DAB1: variants seen among roughly 807,000 people sequenced by gnomAD.
DAB1 encodes the protein DAB adaptor protein 1.
Under a neutral mutation model 64.6 loss-of-function variants are expected in DAB1, and 15 were observed. That is an observed-to-expected ratio of 0.23 (90% CI 0.16 to 0.36). The LOEUF (loss-of-function observed/expected upper bound fraction) is 0.36, where lower values mean the gene tolerates loss of function less well. Ranked by LOEUF, DAB1 falls within the 10% of genes least tolerant of loss-of-function variation. The pLI, the probability that DAB1 is intolerant of heterozygous loss-of-function variation, is 1.00. For synonymous variants in DAB1, 235 were observed against 251.9 expected, an observed-to-expected ratio of 0.93 and a Z score of 0.64; for missense variants, 596 against 706.7, an observed-to-expected ratio of 0.84 and a Z score of 1.78.
intron 3 of DAB1, among the ~76,000 whole-genome samples, chr1:58,391,944 T>A (rs1381087934): frequency 2.6e-5 from 4 of 152,248 alleles, no homozygotes; most frequent in South Asian, 4.1e-4. Flanking sequence ...AGATGGGAAA[T>A]CAAATAAGTC....
intron 5 of DAB1, among the ~76,000 whole-genome samples, chr1:58,088,053 T>G (rs1319317168): frequency 1.3e-5 from 2 of 152,220 alleles, no homozygotes; most frequent in East Asian, 3.8e-4. Flanking sequence ...TGTAGTAAAG[T>G]TCTTTCCATA....
chr1:57,701,884 T>C (rs1049739120), intron 6 of DAB1, among the ~76,000 whole-genome samples: 6 of 152,144 alleles, frequency 3.9e-5, no homozygotes, highest in African/African-American at 1.4e-4. Flanking sequence ...TAAATTTCTC[T>C]GATAAATTTC....
intron 2 of DAB1, among the ~76,000 whole-genome samples, chr1:57,229,410 G>C (rs558740819): frequency 5.9e-4 from 90 of 151,812 alleles, no homozygotes; most frequent in African/African-American, 2.0e-3. Flanking sequence ...GCTCAGGCTG[G>C]TCTCAAACTC....
intron 3 of DAB1, among the ~76,000 whole-genome samples, chr1:58,503,576 T>C (rs1193150227): frequency 6.6e-6 from 1 of 152,094 alleles, no homozygotes; most frequent in African/African-American, 2.4e-5. Flanking sequence ...TAAGCGCCTT[T>C]GGGAGGCGAT....
chr1:57,215,546 C>T (rs78765161), intron 2 of DAB1, among the ~76,000 whole-genome samples: 1,602 of 152,262 alleles, frequency 0.011, 17 homozygotes, highest in African/African-American at 0.037. Flanking sequence ...TGTGTTGGAC[C>T]GTGAATTTTG....
At chr1:58,285,091 G>A (rs1183187877) in intron 4 of DAB1, among the ~76,000 whole-genome samples, 2 of 152,260 alleles carry the variant, frequency 1.3e-5, no homozygotes, top group East Asian at 1.9e-4. Context: ...AAAAGCCTTC[G>A]ATAAAATTCA....
chr1:57,896,773 TTAA>T (rs1309589683), intron 5 of DAB1, among the ~76,000 whole-genome samples: 8 of 152,318 alleles, frequency 5.3e-5, no homozygotes, highest in African/African-American at 1.9e-4. Flanking sequence ...CCCTGAGCAC[TTAA>T]TGAGTGTCAG....
Position 58,409,538 on chromosome 1 carries a change from A to T in DAB1, n.258-66135T>A, listed in dbSNP as rs72914370. The stretch of plus-strand genomic sequence containing the variant: ...TCTCTGTTGTTATATGCATCCAAAC[A>T]GAGGCCGGAAAATCATTTGTCTGAG... On this transcript the variant is annotated intron_variant and non_coding_transcript_variant, in intron 3 of 20. Transcript: ENST00000485760. Among the ~76,000 whole-genome samples the T allele has an allele frequency of 5.5e-3, 839 of 152,302 alleles. 7 individuals are homozygous for T. The highest frequency in any genetic ancestry group is 0.02 in the African/African-American group (814 of 41,554).
intron 7 of DAB1, among the ~76,000 whole-genome samples, chr1:57,595,227 AAAATTTTTTTTAGATTCT>A (rs1482642075): frequency 9.2e-5 from 14 of 152,004 alleles, no homozygotes; most frequent in Admixed American, 5.9e-4. Flanking sequence ...TTTAGATTCT[AAAATTTTTTTTAGATTCT>A]AAATTTTTTT....
At chr1:57,632,999 A>G (rs1646008627) in intron 7 of DAB1, among the ~76,000 whole-genome samples, 1 of 152,190 alleles carries the variant, frequency 6.6e-6, no homozygotes, top group Non-Finnish European at 1.5e-5. Flanking sequence ...TAGTAATATG[A>G]TTTTTCTAAA....
At chr1:57,445,970 T>C (rs957529914) in intron 7 of DAB1, among the ~76,000 whole-genome samples, 1 of 152,080 alleles carries the variant, frequency 6.6e-6, no homozygotes, top group Non-Finnish European at 1.5e-5. Flanking sequence ...CAGTCTTTCC[T>C]TCTTCTTTCT....
In DAB1 at chr1:57,569,632, G is replaced by C. The variant is rs531279807; in HGVS notation, n.625+79960C>G. ...GTAGGGGGGAGGGATAGCATTAGGA[G>C]ATAAACCTAATGTAAATGACAAGTT... On this transcript the variant is annotated intron_variant and non_coding_transcript_variant, in intron 7 of 20. Transcript: ENST00000485760. Among the ~76,000 whole-genome samples, 12 of 151,970 alleles carry C rather than the reference G, an allele frequency of 7.9e-5. No homozygotes were observed. The South Asian group carries it at 2.5e-3, about 32-fold the overall frequency.
intron 5 of DAB1, among the ~76,000 whole-genome samples, chr1:58,111,730 C>T (rs1570365386): frequency 6.6e-6 from 1 of 152,098 alleles, no homozygotes; most frequent in East Asian, 1.9e-4. Context: ...ATCCACTTGT[C>T]TCCACTTCCT....
intron 1 of DAB1, among the ~76,000 whole-genome samples, chr1:57,843,260 AC>A (rs1231559214): frequency 6.6e-6 from 1 of 152,204 alleles, no homozygotes; most frequent in East Asian, 1.9e-4. Flanking sequence ...TCTTTTGTCT[AC>A]CCTTGACTGT....
At chr1:57,055,887 T>C (rs985611606) in intron 9 of DAB1, among the ~76,000 whole-genome samples, 1 of 152,186 alleles carries the variant, frequency 6.6e-6, no homozygotes, top group South Asian at 2.1e-4. Flanking sequence ...AATCCTGCCC[T>C]CTAGGATCTT....
intron 3 of DAB1, among the ~76,000 whole-genome samples, chr1:58,357,470 T>C (rs952941920): frequency 6.6e-6 from 1 of 152,208 alleles, no homozygotes; most frequent in Admixed American, 6.5e-5. Flanking sequence ...TAAGATTTGA[T>C]ATGACCTGTT....
chr1:57,855,441 T>C (rs1259598110), intron 1 of DAB1, among the ~76,000 whole-genome samples: 1 of 152,050 alleles, frequency 6.6e-6, no homozygotes, highest in East Asian at 1.9e-4. Flanking sequence ...ACAACTCTAA[T>C]AATGGATGGT....
intron 4 of DAB1, among the ~76,000 whole-genome samples, chr1:58,304,794 A>T (rs948868674): frequency 3.9e-5 from 6 of 152,046 alleles, no homozygotes; most frequent in Admixed American, 3.3e-4. Flanking sequence ...TCCCTGGGGG[A>T]TTCTGACGCA....
chr1:58,196,425 A>C (rs2100247846), intron 4 of DAB1, among the ~76,000 whole-genome samples: 1 of 152,328 alleles, frequency 6.6e-6, no homozygotes, highest in East Asian at 1.9e-4. Context: ...GCAAGATGAC[A>C]AATACACTTC....
Sources: gnomAD v4.1 joint callset for allele counts (sites outside exome capture counted in the v4.1 genomes callset) on GRCh38, gnomAD v4.1.1 for gene constraint, MANE v1.5 for transcripts, NCBI Gene and HGNC (gene_info 2026-07-23, HGNC 2026-07-21) for gene names.